Variants in GLMN observed in about 807,000 individuals in gnomAD.
GLMN encodes glomulin.
In GLMN, 75 loss-of-function variants were observed where a neutral mutation model predicts 87.8. The ratio of observed to expected loss-of-function variants is 0.85; its 90% CI spans 0.71 to 1.04. GLMN has a LOEUF of 1.04. Among genes scored for constraint, GLMN ranks in the 50% least tolerant of loss-of-function variants. The pLI, the probability that GLMN is intolerant of heterozygous loss-of-function variation, is 0.00. For synonymous variants in GLMN, 206 were observed against 221.6 expected (o/e 0.93, Z 0.63); for missense variants, 588 against 658.8 (o/e 0.89, Z 1.18).
rs975076702 is a variant in GLMN, at chr1:92,287,454, CCA to C, written c.633-864_633-863del. On this transcript the variant is annotated intron_variant, in intron 6 of 18. Transcript: ENST00000370360. ...CTCCTGGGCTCAAAGGATCCTCCTGCCACAGCCTCCCAAGTAGCTGGGACTAC... is the reference window on the plus strand; with the variant it reads ...CTCCTGGGCTCAAAGGATCCTCCTGCCAGCCTCCCAAGTAGCTGGGACTAC... Among the ~76,000 whole-genome samples the C allele has an allele frequency of 1.2e-3, 183 of 152,224 alleles. 2 individuals carry two copies. The highest frequency in any genetic ancestry group is 4.2e-3 in the African/African-American group (175 of 41,542).
the GLMN span, among the ~76,000 whole-genome samples, chr1:92,357,999 C>T: frequency 3.3e-5 from 5 of 152,076 alleles, no homozygotes; most frequent in East Asian, 9.6e-4. Context: ...TGATCATAGC[C>T]CACTGTAACC....
chr1:92,327,110 C>A, the GLMN span, among the ~76,000 whole-genome samples: 1 of 152,200 alleles, frequency 6.6e-6, no homozygotes, highest in East Asian at 1.9e-4. Context: ...TCTGTTAAAT[C>A]CATTTGTTCT....
upstream of GLMN, chr1:92,299,101 G>A: frequency 6.6e-7 from 1 of 1,520,962 alleles, no homozygotes; most frequent in Non-Finnish European, 8.8e-7. Context: ...GCCGTCTTCT[G>A]CCGGCCGCAA....
At chr1:92,276,785 T>C (rs745461485) in intron 7 of GLMN, among the ~76,000 whole-genome samples, 5 of 152,184 alleles carry the variant, frequency 3.3e-5, no homozygotes, top group Non-Finnish European at 7.3e-5. Context: ...AGATGAATTA[T>C]GTTTAGGACT....
In GLMN at chr1:92,246,424, T is replaced by C; in HGVS notation, c.*106A>G. ...TGATAAATGAGAAAAGCTACATTTA[T>C]TTTTCAAGCAGTAAATTTTTACAGA... On this transcript the variant is annotated 3_prime_UTR_variant, in exon 19 of 19. Coordinates refer to ENST00000370360, the MANE Select transcript of GLMN (RefSeq NM_053274.3). The C allele has an allele frequency of 1.5e-6, 1 of 654,300 alleles. No homozygotes were observed. The highest frequency in any genetic ancestry group is 2.7e-6 in the Non-Finnish European group (1 of 364,386). The allele number at this position is 654,300 out of a possible 1,614,324, so 40.5% of individuals were successfully genotyped here. A position where few individuals can be genotyped will look rare whatever the true frequency, so the allele number is the denominator to read the frequency against.
chr1:92,286,870 A>G (rs1266151038), intron 6 of GLMN, among the ~76,000 whole-genome samples: 1 of 152,202 alleles, frequency 6.6e-6, no homozygotes, highest in African/African-American at 2.4e-5. Context: ...CCACATTATG[A>G]CACAGCTAGA....
upstream of GLMN, among the ~76,000 whole-genome samples, chr1:92,302,183 A>C (rs1385066885): frequency 6.6e-6 from 1 of 152,164 alleles, no homozygotes; most frequent in African/African-American, 2.4e-5. Flanking sequence ...AGGCTGAGGC[A>C]TGAGAATCAC....
chr1:92,350,074 C>A, the GLMN span, among the ~76,000 whole-genome samples: 39,548 of 152,078 alleles, frequency 0.26, 6,527 homozygotes, highest in Non-Finnish European at 0.35. Flanking sequence ...TGAAAATACA[C>A]CATGACCCAT....
chr1:92,298,562 T>C (rs1650442733), intron 1 of GLMN, among the ~76,000 whole-genome samples: 1 of 152,128 alleles, frequency 6.6e-6, no homozygotes, highest in Non-Finnish European at 1.5e-5. Flanking sequence ...CATTTCTCTC[T>C]AGGAGTTGCA....
intron 11 of GLMN, 113 bp downstream of exon 11, chr1:92,267,800 G>C (rs547065014): frequency 3.7e-5 from 27 of 727,732 alleles, no homozygotes; most frequent in Non-Finnish European, 6.1e-5. Context: ...CATTACACCA[G>C]AGTTTTCAAA....
At chr1:92,261,584 T>C (rs1209511238) in intron 16 of GLMN, among the ~76,000 whole-genome samples, 1 of 152,208 alleles carries the variant, frequency 6.6e-6, no homozygotes, top group Non-Finnish European at 1.5e-5. Flanking sequence ...ATGAGGAACC[T>C]CTTGTGATGC....
At chr1:92,284,315 T>C (rs893525280) in intron 7 of GLMN, among the ~76,000 whole-genome samples, 1 of 151,922 alleles carries the variant, frequency 6.6e-6, no homozygotes, top group Non-Finnish European at 1.5e-5. Flanking sequence ...GAAATAACAC[T>C]ACACATCTAC....
the GLMN span, among the ~76,000 whole-genome samples, chr1:92,340,210 T>G: frequency 1.2e-4 from 19 of 152,182 alleles, no homozygotes; most frequent in Non-Finnish European, 2.5e-4. Context: ...GTCTGTAGCT[T>G]TGATAAAAAT....
intron 8 of GLMN, among the ~76,000 whole-genome samples, chr1:92,271,029 G>A (rs1342093174): frequency 6.6e-6 from 1 of 151,816 alleles, no homozygotes; most frequent in African/African-American, 2.4e-5. Flanking sequence ...AGCCACTGGA[G>A]GGTTTTCAGT....
chr1:92,343,692 G>A, the GLMN span, among the ~76,000 whole-genome samples: 3 of 152,224 alleles, frequency 2.0e-5, no homozygotes, highest in East Asian at 1.9e-4. Flanking sequence ...GAATAGTGAA[G>A]TACACAAAGA....
chr1:92,363,889 TATAAC>T, the GLMN span: 1 of 163,266 alleles, frequency 6.1e-6, no homozygotes, highest in Non-Finnish European at 1.3e-5. Context: ...ATTATAAGCA[TATAAC>T]ATAAAATATG....
chr1:92,296,777 G>T (rs1650113594), intron 3 of GLMN, among the ~76,000 whole-genome samples: 1 of 152,168 alleles, frequency 6.6e-6, no homozygotes, highest in Non-Finnish European at 1.5e-5. Flanking sequence ...GATGATACTG[G>T]CTAGTATAAT....
chr1:92,255,805 A>G (rs1654149400), intron 16 of GLMN, among the ~76,000 whole-genome samples: 1 of 152,232 alleles, frequency 6.6e-6, no homozygotes, highest in South Asian at 2.1e-4. Flanking sequence ...CCAAAGGAGA[A>G]AGTGGGAAAG....
the GLMN span, among the ~76,000 whole-genome samples, chr1:92,362,637 G>A: frequency 6.6e-6 from 1 of 152,178 alleles, no homozygotes; most frequent in Non-Finnish European, 1.5e-5. Context: ...GCTCAAAACT[G>A]CTTGGTGAAC....
Sources: gnomAD v4.1 joint callset for allele counts (sites outside exome capture counted in the v4.1 genomes callset) on GRCh38, gnomAD v4.1.1 for gene constraint, MANE v1.5 for transcripts, NCBI Gene and HGNC (gene_info 2026-07-23, HGNC 2026-07-21) for gene names.